Variants in CSNK1E observed in about 807,000 individuals in gnomAD.
CSNK1E encodes the protein casein kinase 1 epsilon.
A neutral mutation model predicts 46.1 loss-of-function variants in CSNK1E; 17 were observed. The observed-to-expected ratio is 0.37, with a 90% CI of 0.25 to 0.55. CSNK1E has a LOEUF of 0.55. CSNK1E is among the 20% of genes least tolerant of loss of function. CSNK1E has a pLI of 0.82. For missense variants in CSNK1E, 386 were observed against 595.4 expected, an observed-to-expected ratio of 0.65 and a Z score of 3.66; for synonymous variants, 241 against 242.6, an observed-to-expected ratio of 0.99 and a Z score of 0.06.
At chr22:38,293,350 G>A (rs536877806) in intron 9 of CSNK1E, 31 bp from the exon 10 acceptor site, 2 of 1,346,924 alleles carry the variant, frequency 1.5e-6, no homozygotes, top group East Asian at 2.3e-5. Context: ...GAGAGGGGGA[G>A]GGAGAGAGAG....
At chr22:38,305,924 A>G (rs956251898) in intron 2 of CSNK1E, among the ~76,000 whole-genome samples, 1 of 152,182 alleles carries the variant, frequency 6.6e-6, no homozygotes, top group Non-Finnish European at 1.5e-5. Context: ...ACATCCTAGC[A>G]CGGTGCAAAA....
chr22:38,295,772 T>G (rs1422274011), intron 7 of CSNK1E, among the ~76,000 whole-genome samples: 1 of 152,186 alleles, frequency 6.6e-6, no homozygotes, highest in Non-Finnish European at 1.5e-5. Context: ...TAGAACACTC[T>G]AGAAGATGCA....
In CSNK1E at chr22:38,294,680, G is replaced by A. The variant is rs2092630623; in HGVS notation, c.886-146C>T. ...CCAGCCTCCCTGACAAGCGCGGGAA[G>A]CCAAGACCCACAATCACACAGCACA... On this transcript the variant is annotated intron_variant, in intron 7 of 10. Transcript: ENST00000396832. This position sits in a 1 kb window ranked among gnomAD's most constrained non-coding sequence, Gnocchi z 5.5. 1.2e-5 allele frequency: 9 copies of A among 728,542 alleles called. No individual in the cohort carries two copies. The Admixed American group carries it at 2.5e-4, about 20-fold the overall frequency. 45.1% of individuals were successfully genotyped at this position (728,542 alleles called of 1,614,324 possible).
At chr22:38,310,133 C>G (rs1212927048) in intron 2 of CSNK1E, among the ~76,000 whole-genome samples, 1 of 152,190 alleles carries the variant, frequency 6.6e-6, no homozygotes, top group Admixed American at 6.5e-5. Context: ...CCAGGTGAGG[C>G]TTCCTGGCAG....
In CSNK1E at chr22:38,298,989, C is replaced by T. The variant is rs543436478; in HGVS notation, c.737-55G>A. 30 of 1,601,114 alleles carry T rather than the reference C, an allele frequency of 1.9e-5. No individual in the cohort carries two copies. Among genetic ancestry groups the T allele is most frequent in the Non-Finnish European group, 2.5e-5 (29 of 1,169,296 alleles). On this transcript the variant is annotated intron_variant, in intron 6 of 10. Transcript: ENST00000396832. The surrounding 1 kb of genome is among the most constrained non-coding windows in gnomAD (Gnocchi z 4.2). ...CCACTGTGAGGCCCACGCTCCCAGACCCCCTGCAGCCAGCACTGTCCTAGC... is the reference window on the plus strand; with the variant it reads ...CCACTGTGAGGCCCACGCTCCCAGATCCCCTGCAGCCAGCACTGTCCTAGC...
At chr22:38,295,397 C>T in intron 7 of CSNK1E, 1 of 985,252 alleles carries the variant, frequency 1.0e-6, no homozygotes, top group Non-Finnish European at 1.2e-6. Flanking sequence ...CTAGTTCATC[C>T]TGGGGCCGTC....
chr22:38,292,657 G>C (rs758815024), intron 10 of CSNK1E: 2 of 153,452 alleles, frequency 1.3e-5, no homozygotes, highest in East Asian at 3.9e-4. Flanking sequence ...TTATACCCTC[G>C]AGAAGCCCAA....
chr22:38,312,139 C>A (rs1238560641), intron 2 of CSNK1E, among the ~76,000 whole-genome samples: 1 of 152,136 alleles, frequency 6.6e-6, no homozygotes, highest in African/African-American at 2.4e-5. Flanking sequence ...CTCTGACACC[C>A]ACGCTGGAGT....
chr22:38,313,605 C>T (rs2092730346), intron 2 of CSNK1E, among the ~76,000 whole-genome samples: 1 of 152,202 alleles, frequency 6.6e-6, no homozygotes. Flanking sequence ...CCCCCCACCC[C>T]ACCCCCGAGG....
chr22:38,310,364 C>T (rs888698626), intron 2 of CSNK1E, among the ~76,000 whole-genome samples: 9 of 152,130 alleles, frequency 5.9e-5, no homozygotes, highest in Non-Finnish European at 7.4e-5. Flanking sequence ...TGGCCACGGG[C>T]GTGGCCAGCC....
chr22:38,305,744 C>T (rs1192941371), intron 2 of CSNK1E, among the ~76,000 whole-genome samples: 1 of 151,516 alleles, frequency 6.6e-6, no homozygotes, highest in Non-Finnish European at 1.5e-5. Context: ...CATGTTTCAC[C>T]TAGGATTGTC....
Position 38,303,102 on chromosome 22 carries a change from C to CCACCCGG in CSNK1E, c.187+29_187+35dup. The CCACCCGG allele has an allele frequency of 1.3e-6, 2 of 1,598,118 alleles. No individual in the cohort carries two copies. Among genetic ancestry groups the CCACCCGG allele is most frequent in the Non-Finnish European group, 1.7e-6 (2 of 1,173,194 alleles). On this transcript the variant is annotated intron_variant, in intron 3 of 10. Coordinates refer to ENST00000396832, the MANE Select transcript of CSNK1E (RefSeq NM_152221.3). The surrounding 1 kb of genome is among the most constrained non-coding windows in gnomAD (Gnocchi z 4.7). ...TGTGCTCATGGCTGCCCACCGCCAC[C>CCACCCGG]CACCCGGCGCCCGCCGCCGCCCACC...
chr22:38,308,484 G>A (rs572233063), intron 2 of CSNK1E, among the ~76,000 whole-genome samples: 11 of 152,144 alleles, frequency 7.2e-5, no homozygotes, highest in African/African-American at 2.6e-4. Flanking sequence ...ATCCTGACTC[G>A]GACATCCCCT....
In CSNK1E at chr22:38,290,796, C is replaced by T. The variant is rs1569072348; in HGVS notation, c.*1175G>A. On this transcript the variant is annotated 3_prime_UTR_variant, in exon 11 of 11. Transcript: ENST00000396832. ...AAAGTACAAAATTCCCCCCAAAGTT[C>T]TTCAGTTTTTTTTTTTTCAGTTTTT... is the stretch of plus-strand genomic sequence containing the variant. 2 of 147,016 alleles carry T rather than the reference C, an allele frequency of 1.4e-5. No individual in the cohort carries two copies. Among genetic ancestry groups the T allele is most frequent in the Non-Finnish European group, 3.0e-5 (2 of 67,128 alleles). 9.1% of individuals were successfully genotyped at this position (147,016 alleles called of 1,614,324 possible).
intron 6 of CSNK1E, 78 bp downstream of exon 6, chr22:38,299,817 G>A: frequency 6.6e-7 from 1 of 1,524,524 alleles, no homozygotes; most frequent in Non-Finnish European, 8.9e-7. Context: ...CCCAGCGTGG[G>A]CTTTGTATGG....
chr22:38,305,665 C>G (rs2092695518), intron 2 of CSNK1E, among the ~76,000 whole-genome samples: 1 of 152,062 alleles, frequency 6.6e-6, no homozygotes, highest in Admixed American at 6.5e-5. Flanking sequence ...AATAGAAAAG[C>G]CTTACTCATA....
chr22:38,306,147 T>C (rs1018153284), intron 2 of CSNK1E, among the ~76,000 whole-genome samples: 1 of 152,182 alleles, frequency 6.6e-6, no homozygotes, highest in Non-Finnish European at 1.5e-5. Context: ...CAGAACAGTG[T>C]ATATTCCACA....
At chr22:38,313,358 A>G (rs562674060) in intron 2 of CSNK1E, among the ~76,000 whole-genome samples, 88 of 152,344 alleles carry the variant, frequency 5.8e-4, no homozygotes, top group African/African-American at 2.0e-3. Context: ...CACAAGCACC[A>G]ACACTAAATA....
At chr22:38,296,707 G>C (rs771098036) in intron 7 of CSNK1E, 7 of 1,609,522 alleles carry the variant, frequency 4.3e-6, no homozygotes. Context: ...AAGAGATCTT[G>C]CTGGCTAGAC....
Sources: gnomAD v4.1 joint callset for allele counts (sites outside exome capture counted in the v4.1 genomes callset) on GRCh38, gnomAD v4.1.1 for gene constraint, Gnocchi (gnomAD v3.1) non-coding constraint, MANE v1.5 for transcripts, NCBI Gene and HGNC (gene_info 2026-07-23, HGNC 2026-07-21) for gene names.